The following CGNL1 variants were observed in gnomAD, a reference collection of about 807,000 sequenced individuals.
CGNL1 encodes the protein cingulin like 1, also known as cingulin-like protein 1.
Under a neutral mutation model 141.2 loss-of-function variants are expected in CGNL1, and 132 were observed. The observed-to-expected ratio is 0.93, with a 90% CI of 0.81 to 1.08. CGNL1 has a LOEUF of 1.08. Among genes scored for constraint, CGNL1 ranks in the 50% least tolerant of loss-of-function variants. The probability of loss-of-function intolerance (pLI) is 0.00; values close to 1 mark genes in which losing one functional copy is unlikely to be tolerated. For synonymous variants in CGNL1, 690 were observed against 622.1 expected (o/e 1.11, Z -1.63); for missense variants, 1,870 against 1,588.6 (o/e 1.18, Z -3.01).
At chr15:57,464,670 T>C (rs74886674) in intron 8 of CGNL1, among the ~76,000 whole-genome samples, 1 of 111,742 alleles carries the variant, frequency 8.9e-6, no homozygotes, top group Non-Finnish European at 1.8e-5. Flanking sequence ...CTGCGGTTTC[T>C]TTTCCTTTCC....
intron 8 of CGNL1, among the ~76,000 whole-genome samples, chr15:57,482,827 C>T (rs1335504132): frequency 1.3e-5 from 2 of 151,766 alleles, no homozygotes; most frequent in Non-Finnish European, 2.9e-5. Flanking sequence ...TCTTGTTGCC[C>T]AGACTGGAGT....
chr15:57,397,652 G>A (rs181707630), intron 1 of CGNL1, among the ~76,000 whole-genome samples: 1 of 152,096 alleles, frequency 6.6e-6, no homozygotes, highest in African/African-American at 2.4e-5. Context: ...TTTAATTGTA[G>A]GGTATAGATT....
chr15:57,492,253 C>G (rs2063875610), intron 8 of CGNL1, among the ~76,000 whole-genome samples: 1 of 152,186 alleles, frequency 6.6e-6, no homozygotes, highest in Non-Finnish European at 1.5e-5. Flanking sequence ...GTTAGAGGAT[C>G]TGATCAGTTC....
chr15:57,378,765 C>T (rs1293924848), intron 1 of CGNL1, among the ~76,000 whole-genome samples: 2 of 152,232 alleles, frequency 1.3e-5, no homozygotes, highest in East Asian at 3.9e-4. Flanking sequence ...TTTCTAGCTG[C>T]TAATGTAAGT....
At chr15:57,381,460 T>C (rs1390322687) in intron 1 of CGNL1, among the ~76,000 whole-genome samples, 2 of 151,890 alleles carry the variant, frequency 1.3e-5, no homozygotes, top group African/African-American at 4.8e-5. Context: ...ACTCTGGAGG[T>C]CGAGATGGGA....
intron 14 of CGNL1, among the ~76,000 whole-genome samples, chr15:57,539,092 C>T (rs886469403): frequency 3.3e-5 from 5 of 152,086 alleles, no homozygotes; most frequent in African/African-American, 7.2e-5. Flanking sequence ...GTCTCCTGGC[C>T]GGGAGCACAG....
At chr15:57,467,404 G>A (rs1199756922) in intron 8 of CGNL1, among the ~76,000 whole-genome samples, 1 of 152,134 alleles carries the variant, frequency 6.6e-6, no homozygotes. Context: ...TGGGTACTGA[G>A]TACAGCATGA....
chr15:57,403,747 TTG>T (rs1278293459), intron 1 of CGNL1, among the ~76,000 whole-genome samples: 1 of 151,776 alleles, frequency 6.6e-6, no homozygotes, highest in Non-Finnish European at 1.5e-5. Context: ...GGAGGTGACG[TTG>T]TGCAGAAGGA....
chr15:57,499,463 C>T (rs566418619), intron 8 of CGNL1, among the ~76,000 whole-genome samples: 3 of 151,992 alleles, frequency 2.0e-5, no homozygotes, highest in African/African-American at 7.3e-5. Context: ...GTCTGAAACT[C>T]CTGACCTCAA....
chr15:57,461,692 G>A lies in CGNL1; in HGVS notation c.2203G>A (p.Ala735Thr). 1 of 1,613,984 alleles carries A rather than the reference G, an allele frequency of 6.2e-7. No homozygotes were observed. The highest frequency in any genetic ancestry group is 8.5e-7 in the Non-Finnish European group (1 of 1,179,932). ...KGALIEELLQ[A>T]KQDLQDLLIA... ...TTCCTCTCTCTAGGAGCTCTTACAGGCAAAACAGGATCTTCAAGATCTGCT... is the reference window on the plus strand; with the variant it reads ...TTCCTCTCTCTAGGAGCTCTTACAGACAAAACAGGATCTTCAAGATCTGCT... Residue 735 changes from alanine (A) to threonine (T), a missense_variant, in exon 8 of 19, where the codon GCA (alanine) becomes ACA (threonine). By Grantham distance (58) the Ala-to-Thr change is moderately conservative. Transcript: ENST00000281282.
At chr15:57,541,739 G>T (rs2032575884) in intron 14 of CGNL1, among the ~76,000 whole-genome samples, 1 of 152,220 alleles carries the variant, frequency 6.6e-6, no homozygotes, top group Non-Finnish European at 1.5e-5. Flanking sequence ...GTAATGGGCA[G>T]TGCAGGGGCT....
intron 1 of CGNL1, among the ~76,000 whole-genome samples, chr15:57,417,802 A>G (rs758014272): frequency 4.6e-5 from 7 of 152,210 alleles, no homozygotes; most frequent in Non-Finnish European, 8.8e-5. Context: ...AATTAAAACA[A>G]AAATCATCTA....
chr15:57,416,753 C>T (rs1011282532), intron 1 of CGNL1, among the ~76,000 whole-genome samples: 4 of 152,196 alleles, frequency 2.6e-5, no homozygotes, highest in East Asian at 1.9e-4. Context: ...TAATCCTCTA[C>T]AGGTGGTCCC....
At chr15:57,407,028 G>A (rs1457677450) in intron 1 of CGNL1, 2 of 152,186 alleles carry the variant, frequency 1.3e-5, no homozygotes, top group Non-Finnish European at 2.9e-5. Flanking sequence ...CCTGTAATGG[G>A]GGTAGAGCTG....
At position 57,548,003 on chromosome 15, in the gene CGNL1, C is replaced by CAT. The variant is rs776336363; in HGVS notation, c.*513_*514insAT. 7.2e-6 allele frequency: 1 copy of CAT among 139,018 alleles called. No individual in the cohort carries two copies. The highest frequency in any genetic ancestry group is 2.1e-4 in the East Asian group (1 of 4,860). The allele number at this position is 139,018 out of a possible 1,614,324, so 8.6% of individuals were successfully genotyped here. On this transcript the variant is annotated 3_prime_UTR_variant, in exon 19 of 19. Coordinates refer to ENST00000281282, the MANE Select transcript of CGNL1 (RefSeq NM_032866.5). Reference sequence around the variant, plus strand: ...AGTTCATGCATCTATATTGAGTATTCTTTTTTTTTTTTTTTGAGATGGAGT... The same window carrying CAT: ...AGTTCATGCATCTATATTGAGTATTCATTTTTTTTTTTTTTTTGAGATGGAGT...
At position 57,453,761 on chromosome 15, in the gene CGNL1, C is replaced by T. The variant is rs137998596; in HGVS notation, c.2133C>T (p.His711=). The T allele has an allele frequency of 4.6e-5, 75 of 1,613,760 alleles. No individual in the cohort carries two copies. The highest frequency in any genetic ancestry group is 1.7e-4 in the African/African-American group (13 of 74,868). The part of the protein sequence containing the change: ...RDLQDQLSEM[H]DELDSAKRSE... ...TCCAGGACCAGCTCTCAGAAATGCACGATGAACTGGACAGTGCAAAGCGAT... is the reference window on the plus strand; with the variant it reads ...TCCAGGACCAGCTCTCAGAAATGCATGATGAACTGGACAGTGCAAAGCGAT... Residue 711 remains histidine, a synonymous_variant, in exon 7 of 19, where the codon CAC becomes CAT. Transcript: ENST00000281282.
chr15:57,495,188 G>T (rs1289420002), intron 8 of CGNL1, among the ~76,000 whole-genome samples: 1 of 152,090 alleles, frequency 6.6e-6, no homozygotes, highest in East Asian at 1.9e-4. Context: ...CTCTGAAATA[G>T]TTTTCACGTG....
At chr15:57,514,244 C>T (rs771165914) in intron 8 of CGNL1, among the ~76,000 whole-genome samples, 6 of 152,070 alleles carry the variant, frequency 3.9e-5, no homozygotes, top group Non-Finnish European at 8.8e-5. Flanking sequence ...CTCTGCCTCC[C>T]GAGTTCAAAC....
At chr15:57,427,044 C>A (rs2062983906) in intron 1 of CGNL1, among the ~76,000 whole-genome samples, 1 of 152,108 alleles carries the variant, frequency 6.6e-6, no homozygotes, top group Non-Finnish European at 1.5e-5. Flanking sequence ...CTGGTGAGAG[C>A]AAGGCACAGC....
Sources: gnomAD v4.1 joint callset for allele counts (sites outside exome capture counted in the v4.1 genomes callset) on GRCh38, gnomAD v4.1.1 for gene constraint, MANE v1.5 for transcripts, NCBI Gene and HGNC (gene_info 2026-07-23, HGNC 2026-07-21) for gene names.